LRIG3: variants seen among roughly 807,000 people sequenced by gnomAD.
The protein encoded by LRIG3 is leucine-rich repeats and immunoglobulin-like domains protein 3.
Under a neutral mutation model 114.5 loss-of-function variants are expected in LRIG3, and 76 were observed. That is an observed-to-expected ratio of 0.66 (90% CI 0.55 to 0.80). The LOEUF is 0.80. Among genes scored for constraint, LRIG3 ranks in the 30% least tolerant of loss-of-function variants. The pLI is 0.00. For synonymous variants in LRIG3, 512 were observed against 519.8 expected (o/e 0.98, Z 0.20); for missense variants, 1,239 against 1,382.8 (o/e 0.90, Z 1.65).
At position 58,882,886 on chromosome 12, in the gene LRIG3, G is replaced by C. The variant is rs775998325; in HGVS notation, c.1463C>G (p.Pro488Arg). 16 of 1,613,794 alleles carry C rather than the reference G, an allele frequency of 9.9e-6. 1 individual carries two copies. The highest frequency in any genetic ancestry group is 1.6e-4 in the Middle Eastern group (1 of 6,082). Residue 488 changes from proline (P) to arginine (R), a missense_variant, in exon 12 of 19, where the codon CCA becomes CGA. Pro to Arg is a moderately radical substitution (Grantham distance 103, BLOSUM62 -2). Transcript: ENST00000320743. ...LKGRSIFAVS[P>R]DGFVCDDFPK... ...ATACTCACCACACACAAAGCCATCT[G>C]GGCTAACAGCAAAAATGCTTCTTCC...
At chr12:58,877,985 A>G in intron 14 of LRIG3, 133 bp from the exon 15 acceptor site, 1 of 843,378 alleles carries the variant, frequency 1.2e-6, no homozygotes, top group Non-Finnish European at 1.8e-6. Context: ...ACACTTTTCT[A>G]AGAGCCTAAA....
intron 1 of LRIG3, chr12:58,919,379 A>C: frequency 6.4e-7 from 1 of 1,551,166 alleles, no homozygotes; most frequent in African/African-American, 1.4e-5. Context: ...CGCCCTTTCC[A>C]TAGCTACCGA....
chr12:58,882,018 T>C (rs957260906), intron 12 of LRIG3, among the ~76,000 whole-genome samples: 5 of 152,340 alleles, frequency 3.3e-5, no homozygotes, highest in Admixed American at 3.3e-4. Flanking sequence ...TTCCAAAAGC[T>C]ACATCAGAGG....
At chr12:58,879,463 AT>A (rs147917466) in intron 13 of LRIG3, among the ~76,000 whole-genome samples, 3 of 149,562 alleles carry the variant, frequency 2.0e-5, no homozygotes, top group African/African-American at 2.4e-5. Flanking sequence ...CACTTCATCT[AT>A]TTTTTTTTTA....
chr12:58,913,157 C>G (rs1872347870), intron 3 of LRIG3, among the ~76,000 whole-genome samples: 1 of 152,242 alleles, frequency 6.6e-6, no homozygotes, highest in South Asian at 2.1e-4. Flanking sequence ...CCCAACACCT[C>G]TCTCAGAAGC....
At chr12:58,907,326 A>G (rs1310749897) in intron 3 of LRIG3, among the ~76,000 whole-genome samples, 2 of 152,306 alleles carry the variant, frequency 1.3e-5, no homozygotes, top group South Asian at 2.1e-4. Flanking sequence ...TCAGGCTACA[A>G]ATATTGTTGT....
intron 3 of LRIG3, among the ~76,000 whole-genome samples, chr12:58,891,643 A>G (rs1381017745): frequency 6.6e-6 from 1 of 152,144 alleles, no homozygotes; most frequent in Admixed American, 6.5e-5. Flanking sequence ...CTTTTCTTTA[A>G]GAAATAGCAA....
chr12:58,913,727 C>A, intron 3 of LRIG3: 1 of 421,774 alleles, frequency 2.4e-6, no homozygotes, highest in Non-Finnish European at 4.2e-6. Flanking sequence ...GTAAAGCTGG[C>A]CTCTTTGAAT....
At chr12:58,918,556 T>C (rs1039238784) in intron 1 of LRIG3, among the ~76,000 whole-genome samples, 3 of 152,234 alleles carry the variant, frequency 2.0e-5, no homozygotes, top group African/African-American at 7.2e-5. Flanking sequence ...GGAAGCACTG[T>C]ATTCATTTTC....
intron 10 of LRIG3, among the ~76,000 whole-genome samples, chr12:58,885,038 A>C (rs1019161077): frequency 6.6e-6 from 1 of 152,070 alleles, no homozygotes; most frequent in Non-Finnish European, 1.5e-5. Flanking sequence ...TGAGCCCCTA[A>C]ATGACATTTC....
intron 3 of LRIG3, among the ~76,000 whole-genome samples, chr12:58,904,163 G>A (rs1246798227): frequency 1.3e-5 from 2 of 152,140 alleles, no homozygotes; most frequent in Non-Finnish European, 2.9e-5. Context: ...CAAAGAGAGA[G>A]GAGGTGGTAC....
chr12:58,892,240 T>A (rs1871481108), intron 3 of LRIG3, among the ~76,000 whole-genome samples: 1 of 152,116 alleles, frequency 6.6e-6, no homozygotes. Flanking sequence ...GAAAATAACG[T>A]CAAGGTAGAA....
chr12:58,893,634 C>A (rs933350156), intron 3 of LRIG3, among the ~76,000 whole-genome samples: 2 of 152,158 alleles, frequency 1.3e-5, no homozygotes, highest in South Asian at 4.1e-4. Flanking sequence ...GAGATGGATT[C>A]CATCCAGGAG....
rs1203270722 is a variant in LRIG3, at chr12:58,874,051, T to C, written c.3115+4A>G. 9.3e-6 allele frequency: 15 copies of C among 1,614,064 alleles called. No homozygotes were observed. Among genetic ancestry groups the C allele is most frequent in the Non-Finnish European group, 1.3e-5 (15 of 1,179,994 alleles). ...CGAGGTACCTGATAACTTAATAAAC[T>C]TACCCATGAAAGAATTACTCGAGGC... is the stretch of plus-strand genomic sequence containing the variant. On this transcript the variant is annotated splice_donor_region_variant and intron_variant, in intron 18 of 18. Transcript: ENST00000320743.
chr12:58,914,525 A>G (rs1200759442), intron 1 of LRIG3, 189 bp from the exon 2 acceptor site: 1 of 557,286 alleles, frequency 1.8e-6, no homozygotes, highest in African/African-American at 1.9e-5. Context: ...AAATTAGTTT[A>G]GGGAGACTGG....
chr12:58,888,557 C>A, intron 6 of LRIG3, 85 bp from the exon 7 acceptor site: 2 of 1,521,114 alleles, frequency 1.3e-6, no homozygotes, highest in South Asian at 1.2e-5. Flanking sequence ...CAACCTATTA[C>A]AGATTCCTAT....
intron 15 of LRIG3, 143 bp downstream of exon 15, chr12:58,877,257 G>T: frequency 1.2e-6 from 1 of 815,142 alleles, no homozygotes; most frequent in Non-Finnish European, 1.9e-6. Context: ...GAGTTTTTTA[G>T]CGAATCATAT....
rs1565614038 is a variant in LRIG3, at chr12:58,878,835, A to AG, written c.2071dup (p.Leu691ProfsTer37). On this transcript the variant is annotated frameshift_variant, in exon 14 of 19. Coordinates refer to ENST00000320743, the MANE Select transcript of LRIG3 (RefSeq NM_153377.5). LOFTEE classifies it high-confidence loss of function. ...ACAAATTCACCCACCTAGGACAGTC[A>AG]GAGTTGCATTTGCTGAAATACTTCC... 2 of 1,613,472 alleles carry AG rather than the reference A, an allele frequency of 1.2e-6. No individual in the cohort carries two copies. Among genetic ancestry groups the AG allele is most frequent in the African/African-American group, 2.7e-5 (2 of 74,938 alleles).
intron 3 of LRIG3, among the ~76,000 whole-genome samples, chr12:58,893,939 T>G (rs886416299): frequency 6.6e-6 from 1 of 152,166 alleles, no homozygotes; most frequent in Admixed American, 6.5e-5. Context: ...CAGCTATGGA[T>G]GTGTGCAATA....
Sources: allele counts gnomAD v4.1 joint callset (sites outside exome capture counted in the v4.1 genomes callset), GRCh38; gene constraint gnomAD v4.1.1; transcripts MANE v1.5; gene names NCBI Gene and HGNC (gene_info 2026-07-23, HGNC 2026-07-21).